The following MACROH2A2 variants were observed in gnomAD, a reference collection of about 807,000 sequenced individuals.
MACROH2A2 encodes core histone macro-H2A.2.
Under a neutral mutation model 37.6 loss-of-function variants are expected in MACROH2A2, and 6 were observed. The ratio of observed to expected loss-of-function variants is 0.16; its 90% CI spans 0.09 to 0.32. MACROH2A2 has a LOEUF of 0.32. MACROH2A2 is among the 10% of genes least tolerant of loss of function. The pLI is 1.00. For synonymous variants in MACROH2A2, 192 were observed against 202.7 expected (o/e 0.95, Z 0.45); for missense variants, 290 against 485.9 (o/e 0.60, Z 3.79).
Position 70,053,712 on chromosome 10 carries a change from C to T in MACROH2A2, c.-60+712C>T, listed in dbSNP as rs1334332962. 1.3e-5 allele frequency among the ~76,000 whole-genome samples: 2 copies of T among 151,718 alleles called. No homozygotes were observed. Among genetic ancestry groups the T allele is most frequent in the Non-Finnish European group, 2.9e-5 (2 of 67,882 alleles). Reference sequence around the variant, plus strand: ...AAGAGGGCGCGAGGCCGGGCACTCCCCTTCGGTTCCCTTTCCGGGGCGCCC... The same window carrying T: ...AAGAGGGCGCGAGGCCGGGCACTCCTCTTCGGTTCCCTTTCCGGGGCGCCC... On this transcript the variant is annotated intron_variant, in intron 1 of 8. Coordinates refer to ENST00000373255, the MANE Select transcript of MACROH2A2 (RefSeq NM_018649.3). The surrounding 1 kb of genome is among the most constrained non-coding windows in gnomAD (Gnocchi z 4.8).
chr10:70,059,122 G>A (rs969407147), intron 1 of MACROH2A2, among the ~76,000 whole-genome samples: 7 of 152,144 alleles, frequency 4.6e-5, no homozygotes, highest in African/African-American at 1.7e-4. Flanking sequence ...TATTTATCCT[G>A]GTTGCTCTAT....
Position 70,093,854 on chromosome 10 carries a change from G to A in MACROH2A2, c.588+9G>A. 1 of 1,429,676 alleles carries A rather than the reference G, an allele frequency of 7.0e-7. No individual in the cohort carries two copies. Among genetic ancestry groups the A allele is most frequent in the Non-Finnish European group, 9.9e-7 (1 of 1,012,204 alleles). 88.6% of individuals were successfully genotyped at this position (1,429,676 alleles called of 1,614,324 possible). A position where few individuals can be genotyped will look rare whatever the true frequency, so the allele number is the denominator to read the frequency against. The stretch of plus-strand genomic sequence containing the variant: ...TTGTTCTGGGACAGAAGGTAACAAA[G>A]AGAATTGCCTTGTGCTATATTAAAA... On this transcript the variant is annotated intron_variant, in intron 5 of 8. Coordinates refer to ENST00000373255, the MANE Select transcript of MACROH2A2 (RefSeq NM_018649.3).
At chr10:70,079,623 A>C (rs575101740) in intron 2 of MACROH2A2, among the ~76,000 whole-genome samples, 36 of 150,326 alleles carry the variant, frequency 2.4e-4, no homozygotes, top group African/African-American at 8.8e-4. Context: ...GGAGGCATCA[A>C]AGAGAGGTGG....
chr10:70,090,483 T>A (rs1361642159), intron 3 of MACROH2A2, among the ~76,000 whole-genome samples: 1 of 152,216 alleles, frequency 6.6e-6, no homozygotes, highest in Non-Finnish European at 1.5e-5. Context: ...CAAACTTAGT[T>A]GACAGTTTTT....
intron 1 of MACROH2A2, among the ~76,000 whole-genome samples, chr10:70,059,050 T>C (rs2072034937): frequency 6.6e-6 from 1 of 152,224 alleles, no homozygotes; most frequent in South Asian, 2.1e-4. Flanking sequence ...AGTTTTTCTT[T>C]TCTGTGGTTA....
intron 7 of MACROH2A2, among the ~76,000 whole-genome samples, chr10:70,103,837 G>GA (rs952433181): frequency 3.4e-4 from 50 of 148,712 alleles, no homozygotes; most frequent in African/African-American, 6.4e-4. Context: ...GCACTGAAGG[G>GA]AAAAAAAAAA....
In MACROH2A2 at chr10:70,053,996, C is replaced by T. The variant is rs2136611462; in HGVS notation, c.-60+996C>T. Among the ~76,000 whole-genome samples the T allele has an allele frequency of 6.6e-6, 1 of 152,312 alleles. No individual in the cohort carries two copies. The highest frequency in any genetic ancestry group is 1.5e-5 in the Non-Finnish European group (1 of 68,010). Reference sequence around the variant, plus strand: ...GCCTCCAGCCCCGGCGCACCTCAGCCCCAGCCCGGCCAGCCCCCCGGATCG... The same window carrying T: ...GCCTCCAGCCCCGGCGCACCTCAGCTCCAGCCCGGCCAGCCCCCCGGATCG... On this transcript the variant is annotated intron_variant, in intron 1 of 8. Coordinates refer to ENST00000373255, the MANE Select transcript of MACROH2A2 (RefSeq NM_018649.3). The surrounding 1 kb of genome is among the most constrained non-coding windows in gnomAD (Gnocchi z 4.8).
Position 70,079,563 on chromosome 10 carries a change from G to GCACACACA in MACROH2A2, c.172+3734_172+3735insACACACAC, listed in dbSNP as rs372348727. ...CCACGTTGAGGGTTCGCGCGCGCGCGCGCACACACACACACACACACACAC... is the reference window on the plus strand; with the variant it reads ...CCACGTTGAGGGTTCGCGCGCGCGCGCACACACACGCACACACACACACACACACACAC... On this transcript the variant is annotated intron_variant, in intron 2 of 8. Transcript: ENST00000373255. 5.5e-3 allele frequency among the ~76,000 whole-genome samples: 347 copies of GCACACACA among 63,162 alleles called. 1 individual carries two copies. Among genetic ancestry groups the GCACACACA allele is most frequent in the Admixed American group, 0.011 (79 of 6,990 alleles). 41.4% of individuals were successfully genotyped at this position (63,162 alleles called of 152,430 possible).
intron 2 of MACROH2A2, among the ~76,000 whole-genome samples, chr10:70,082,359 G>A (rs1268729699): frequency 6.6e-6 from 1 of 151,758 alleles, no homozygotes; most frequent in East Asian, 1.9e-4. Flanking sequence ...CGGAGGTTGC[G>A]GTGAGCCGAG....
chr10:70,103,080 T>G (rs1431795883), intron 7 of MACROH2A2, among the ~76,000 whole-genome samples: 1 of 152,074 alleles, frequency 6.6e-6, no homozygotes, highest in Non-Finnish European at 1.5e-5. Context: ...GCCAAAGCTC[T>G]CGCCACCACC....
chr10:70,070,755 A>G (rs1057466370), intron 1 of MACROH2A2, among the ~76,000 whole-genome samples: 1 of 152,112 alleles, frequency 6.6e-6, no homozygotes, highest in African/African-American at 2.4e-5. Flanking sequence ...CCCAAAATGT[A>G]GGGATTACAG....
At chr10:70,064,723 T>C (rs1033423730) in intron 1 of MACROH2A2, among the ~76,000 whole-genome samples, 2 of 152,214 alleles carry the variant, frequency 1.3e-5, no homozygotes, top group South Asian at 2.1e-4. Context: ...GCTGCTGCCA[T>C]GTAAGAAGTG....
chr10:70,055,712 C>G (rs958158908), intron 1 of MACROH2A2, among the ~76,000 whole-genome samples: 1 of 152,164 alleles, frequency 6.6e-6, no homozygotes, highest in Non-Finnish European at 1.5e-5. Flanking sequence ...ATTGATATAA[C>G]CAATTGGAAG....
chr10:70,079,249 C>T (rs532218934), intron 2 of MACROH2A2, among the ~76,000 whole-genome samples: 1 of 152,030 alleles, frequency 6.6e-6, no homozygotes, highest in African/African-American at 2.4e-5. Context: ...TGCCTGGGTC[C>T]CACCCCCGAG....
chr10:70,070,128 G>T (rs1296376587), intron 1 of MACROH2A2, among the ~76,000 whole-genome samples: 1 of 152,182 alleles, frequency 6.6e-6, no homozygotes, highest in Non-Finnish European at 1.5e-5. Context: ...ACAGCCCTGA[G>T]TCCCCAGGAG....
chr10:70,083,320 A>G (rs1334351767), intron 2 of MACROH2A2, among the ~76,000 whole-genome samples: 1 of 152,146 alleles, frequency 6.6e-6, no homozygotes, highest in Non-Finnish European at 1.5e-5. Flanking sequence ...GACCCTCATT[A>G]CACAACTCTT....
intron 2 of MACROH2A2, among the ~76,000 whole-genome samples, chr10:70,076,940 A>G (rs1057367627): frequency 6.6e-5 from 10 of 152,090 alleles, no homozygotes; most frequent in African/African-American, 2.4e-4. Context: ...CCACGGATCC[A>G]AGGAGGAAAT....
chr10:70,107,338 T>C lies in MACROH2A2; in HGVS notation c.779-1695T>C, dbSNP rs1243764139. On this transcript the variant is annotated intron_variant, in intron 7 of 8. Coordinates refer to ENST00000373255, the MANE Select transcript of MACROH2A2 (RefSeq NM_018649.3). The surrounding 1 kb of genome is among the most constrained non-coding windows in gnomAD (Gnocchi z 4.4). The stretch of plus-strand genomic sequence containing the variant: ...ACTTATATAAACTAGGTGGGCATCA[T>C]AGATTTCCAGTCAGTCTTTCACCTC... Among the ~76,000 whole-genome samples, 1 of 152,192 alleles carries C rather than the reference T, an allele frequency of 6.6e-6. No individual in the cohort carries two copies. The highest frequency in any genetic ancestry group is 6.5e-5 in the Admixed American group (1 of 15,282).
chr10:70,101,903 C>T (rs1053387121), intron 7 of MACROH2A2, among the ~76,000 whole-genome samples: 3 of 152,102 alleles, frequency 2.0e-5, no homozygotes, highest in Admixed American at 6.5e-5. Context: ...GGGCTGTTTC[C>T]GCCTTTGGTG....
Sources: allele counts gnomAD v4.1 joint callset (sites outside exome capture counted in the v4.1 genomes callset), GRCh38; gene constraint gnomAD v4.1.1; non-coding constraint Gnocchi (gnomAD v3.1); transcripts MANE v1.5; gene names NCBI Gene and HGNC (gene_info 2026-07-23, HGNC 2026-07-21).